The following LAMA1 variants were observed in gnomAD, a reference collection of about 807,000 sequenced individuals.
The protein encoded by LAMA1 is laminin subunit alpha-1.
A neutral mutation model predicts 348.7 loss-of-function variants in LAMA1; 219 were observed. The observed-to-expected ratio is 0.63, with a 90% CI of 0.56 to 0.70. The LOEUF (loss-of-function observed/expected upper bound fraction) is 0.70, where lower values mean the gene tolerates loss of function less well. Ranked by LOEUF, LAMA1 falls within the 30% of genes least tolerant of loss-of-function variation. The pLI is 0.00. For synonymous variants in LAMA1, 1,487 were observed against 1,491.0 expected (o/e 1.00, Z 0.06); for missense variants, 3,744 against 3,888.0 (o/e 0.96, Z 0.99).
At chr18:6,973,322 C>G in intron 46 of LAMA1, 115 bp from the exon 47 acceptor site, 3 of 884,462 alleles carry the variant, frequency 3.4e-6, no homozygotes, top group Non-Finnish European at 5.3e-6. Context: ...TGCAACAGCA[C>G]CCCCCTGCTG....
intron 54 of LAMA1, among the ~76,000 whole-genome samples, chr18:6,958,924 T>C (rs1430238770): frequency 2.0e-5 from 3 of 152,176 alleles, no homozygotes; most frequent in South Asian, 2.1e-4. Context: ...TTTTCTTTTT[T>C]TTTTAACCTC....
chr18:7,105,577 G>A (rs915408522), intron 1 of LAMA1, among the ~76,000 whole-genome samples: 6 of 152,210 alleles, frequency 3.9e-5, no homozygotes, highest in African/African-American at 1.4e-4. Flanking sequence ...AGATCAGCAG[G>A]TTGTATAAGG....
chr18:7,074,492 G>T (rs1373063208), intron 3 of LAMA1, among the ~76,000 whole-genome samples: 1 of 152,128 alleles, frequency 6.6e-6, no homozygotes, highest in Non-Finnish European at 1.5e-5. Flanking sequence ...CATGAAATGT[G>T]CATGCTCTTT....
At position 7,108,640 on chromosome 18, in the gene LAMA1, CAAAAAAAAAAAAAAA is replaced by C. The variant is rs58802341; in HGVS notation, c.61+9005_61+9019del. ...CACTGCACTGAGACAGACTCTGTCT[CAAAAAAAAAAAAAAA>C]AAAAAAAAAAAAGCTAACTCCCTTT... On this transcript the variant is annotated intron_variant, in intron 1 of 62. Coordinates refer to ENST00000389658, the MANE Select transcript of LAMA1 (RefSeq NM_005559.4). 5.6e-3 allele frequency among the ~76,000 whole-genome samples: 225 copies of C among 40,242 alleles called. 5 individuals are homozygous for C. Among genetic ancestry groups the C allele is most frequent in the African/African-American group, 0.021 (216 of 10,128 alleles). 26.4% of individuals were successfully genotyped at this position (40,242 alleles called of 152,430 possible). A position where few individuals can be genotyped will look rare whatever the true frequency, so the allele number is the denominator to read the frequency against.
intron 48 of LAMA1, 140 bp downstream of exon 48, chr18:6,971,717 C>T: frequency 1.7e-6 from 2 of 1,166,196 alleles, no homozygotes; most frequent in South Asian, 1.3e-5. Context: ...AAAAGCATGG[C>T]TTTGTAATTG....
In LAMA1 at chr18:7,050,382, C is replaced by G. The variant is rs147475151; in HGVS notation, c.588+312G>C. On this transcript the variant is annotated intron_variant, in intron 4 of 62. Coordinates refer to ENST00000389658, the MANE Select transcript of LAMA1 (RefSeq NM_005559.4). The stretch of plus-strand genomic sequence containing the variant: ...AAAAGGGAACTACAACTTTGGGGGA[C>G]ATTTTAGCTCTCTAATATTTCAACA... 1.7e-3 allele frequency among the ~76,000 whole-genome samples: 257 copies of G among 152,248 alleles called. 2 individuals carry two copies. The highest frequency in any genetic ancestry group is 5.9e-3 in the African/African-American group (245 of 41,542).
rs1181289875 is a variant in LAMA1, at chr18:6,956,329, T to C, written c.8094+307A>G. On this transcript the variant is annotated intron_variant, in intron 56 of 62. Transcript: ENST00000389658. ...TTACATGAAGTACTTATTTTCATGCTTTCCTGGCTAAATGTAAATTGATAA... is the reference window on the plus strand; with the variant it reads ...TTACATGAAGTACTTATTTTCATGCCTTCCTGGCTAAATGTAAATTGATAA... 4 of 490,624 alleles carry C rather than the reference T, an allele frequency of 8.2e-6. No individual in the cohort carries two copies. The East Asian group carries it at 1.8e-4, about 22-fold the overall frequency. The allele number at this position is 490,624 out of a possible 1,614,324, so 30.4% of individuals were successfully genotyped here. A position where few individuals can be genotyped will look rare whatever the true frequency, so the allele number is the denominator to read the frequency against.
intron 3 of LAMA1, among the ~76,000 whole-genome samples, chr18:7,055,262 C>G (rs1339112742): frequency 1.3e-5 from 2 of 151,620 alleles, no homozygotes; most frequent in Non-Finnish European, 2.9e-5. Flanking sequence ...ACCAGCCTGG[C>G]CAACATGGTG....
intron 1 of LAMA1, among the ~76,000 whole-genome samples, chr18:7,113,298 T>C (rs935983841): frequency 6.6e-6 from 1 of 152,192 alleles, no homozygotes. Context: ...TAGCTACAAA[T>C]AGGTGCAGGC....
At chr18:7,060,910 C>G (rs1444568354) in intron 3 of LAMA1, among the ~76,000 whole-genome samples, 5 of 152,138 alleles carry the variant, frequency 3.3e-5, no homozygotes, top group Admixed American at 2.6e-4. Flanking sequence ...AATCCCAGCA[C>G]TTTGGGAGGC....
At chr18:7,104,228 C>T (rs995392364) in intron 1 of LAMA1, among the ~76,000 whole-genome samples, 5 of 152,142 alleles carry the variant, frequency 3.3e-5, no homozygotes, top group Admixed American at 2.0e-4. Context: ...CCACCCACCT[C>T]GGCCTCCCAA....
rs186591302 is a variant in LAMA1, at chr18:6,995,578, A to C, written c.4807-132T>G. Reference sequence around the variant, plus strand: ...TTTCCTTGGAACTGTCATTTTAAAAAAAAATGGATCACATTTACTTAGGTT... The same window carrying C: ...TTTCCTTGGAACTGTCATTTTAAAACAAAATGGATCACATTTACTTAGGTT... On this transcript the variant is annotated intron_variant, in intron 33 of 62. Transcript: ENST00000389658. 5.6e-5 allele frequency: 38 copies of C among 673,554 alleles called. No homozygotes were observed. The African/African-American group carries it at 6.3e-4, about 11-fold the overall frequency. The allele number at this position is 673,554 out of a possible 1,614,324, so 41.7% of individuals were successfully genotyped here. A position where few individuals can be genotyped will look rare whatever the true frequency, so the allele number is the denominator to read the frequency against.
intron 19 of LAMA1, among the ~76,000 whole-genome samples, chr18:7,018,597 G>A (rs918576442): frequency 1.1e-4 from 17 of 151,848 alleles, no homozygotes; most frequent in South Asian, 8.3e-4. Flanking sequence ...GGGTTTCACC[G>A]TGTTAGCCAG....
At chr18:6,979,320 T>C (rs1426051479) in intron 42 of LAMA1, among the ~76,000 whole-genome samples, 12 of 152,176 alleles carry the variant, frequency 7.9e-5, no homozygotes, top group Non-Finnish European at 2.9e-5. Context: ...TGGGGCTTCC[T>C]GTTTTTAATG....
At chr18:6,972,919 G>A in intron 47 of LAMA1, 138 bp downstream of exon 47, 4 of 850,798 alleles carry the variant, frequency 4.7e-6, no homozygotes, top group Non-Finnish European at 8.0e-6. Flanking sequence ...TTGAACTCCG[G>A]ACCTCAGGTG....
chr18:7,032,264 T>A, intron 15 of LAMA1, 88 bp from the exon 16 acceptor site: 3 of 810,142 alleles, frequency 3.7e-6, no homozygotes, highest in Non-Finnish European at 6.4e-6. Context: ...TCTTTTTTCT[T>A]AAACATCTTA....
intron 14 of LAMA1, among the ~76,000 whole-genome samples, chr18:7,034,065 G>A (rs376879206): frequency 1.9e-4 from 29 of 152,240 alleles, no homozygotes; most frequent in African/African-American, 6.3e-4. Flanking sequence ...TGCTTGGCAC[G>A]GCATTGCCAG....
chr18:7,097,454 A>G (rs2058266413), intron 1 of LAMA1, among the ~76,000 whole-genome samples: 1 of 151,432 alleles, frequency 6.6e-6, no homozygotes, highest in African/African-American at 2.4e-5. Context: ...TTCTCCTTAA[A>G]TTGATCTGTA....
At chr18:7,039,769 G>GA (rs1355300097) in intron 10 of LAMA1, among the ~76,000 whole-genome samples, 1 of 152,200 alleles carries the variant, frequency 6.6e-6, no homozygotes, top group East Asian at 1.9e-4. Flanking sequence ...AGAAAACAGA[G>GA]ATGAGGCCCA....
Sources: gnomAD v4.1 joint callset for allele counts (sites outside exome capture counted in the v4.1 genomes callset) on GRCh38, gnomAD v4.1.1 for gene constraint, MANE v1.5 for transcripts, NCBI Gene and HGNC (gene_info 2026-07-23, HGNC 2026-07-21) for gene names.